Variants in CENPP observed in about 807,000 individuals in gnomAD.
The protein encoded by CENPP is centromere protein P.
CENPP carries 24 observed loss-of-function variants against 35.6 expected under a neutral mutation model. The observed-to-expected ratio is 0.67, with a 90% CI of 0.49 to 0.95. The LOEUF (loss-of-function observed/expected upper bound fraction) is 0.95, where lower values mean the gene tolerates loss of function less well. Ranked by LOEUF, CENPP falls within the 40% of genes least tolerant of loss-of-function variation. The pLI is 0.00. For missense variants in CENPP, 332 were observed against 345.3 expected (o/e 0.96, Z 0.31); for synonymous variants, 120 against 125.5 (o/e 0.96, Z 0.29).
At chr9:92,419,765 T>A (rs1429335101) in intron 5 of CENPP, among the ~76,000 whole-genome samples, 1 of 152,190 alleles carries the variant, frequency 6.6e-6, no homozygotes, top group Admixed American at 6.5e-5. Context: ...CTGAGACCTT[T>A]CTACTTTTCC....
chr9:92,469,529 A>G (rs529178271), intron 5 of CENPP, among the ~76,000 whole-genome samples: 6 of 152,368 alleles, frequency 3.9e-5, no homozygotes, highest in African/African-American at 1.4e-4. Flanking sequence ...ACACAGGAAC[A>G]GGCCAGGCCT....
At chr9:92,549,200 G>A (rs1849534102) in intron 5 of CENPP, among the ~76,000 whole-genome samples, 10 of 152,166 alleles carry the variant, frequency 6.6e-5, no homozygotes, top group Admixed American at 5.2e-4. Flanking sequence ...GTTCTGTTGT[G>A]CTCCAGAGAC....
At chr9:92,370,668 GATGTGCTTTCACC>G (rs1156311433) in intron 4 of CENPP, among the ~76,000 whole-genome samples, 1 of 152,054 alleles carries the variant, frequency 6.6e-6, no homozygotes, top group East Asian at 1.9e-4. Flanking sequence ...TTTTTGTAGA[GATGTGCTTTCACC>G]ATGTTGGCCA....
chr9:92,387,138 C>G (rs956496139), intron 5 of CENPP, among the ~76,000 whole-genome samples: 17 of 150,216 alleles, frequency 1.1e-4, no homozygotes, highest in Non-Finnish European at 2.1e-4. Flanking sequence ...TTTGAGAGGT[C>G]AATGTGGGTG....
intron 4 of CENPP, among the ~76,000 whole-genome samples, chr9:92,372,014 G>A (rs1436491331): frequency 8.5e-6 from 1 of 118,274 alleles, no homozygotes; most frequent in Admixed American, 1.0e-4. Context: ...CTGTACTCCA[G>A]CCTGGGCAAC....
intron 4 of CENPP, among the ~76,000 whole-genome samples, chr9:92,358,850 G>A (rs1841660447): frequency 6.6e-6 from 1 of 150,820 alleles, no homozygotes; most frequent in Non-Finnish European, 1.5e-5. Context: ...AGTCTGTATG[G>A]TAGATCTACC....
intron 5 of CENPP, among the ~76,000 whole-genome samples, chr9:92,430,220 A>G (rs1218001397): frequency 1.3e-5 from 2 of 152,160 alleles, no homozygotes; most frequent in Non-Finnish European, 2.9e-5. Context: ...ACAGCCCTGT[A>G]TGCTGCGTTT....
chr9:92,337,546 A>C lies in CENPP; in HGVS notation c.295A>C (p.Arg99=), dbSNP rs777576305. The stretch of plus-strand genomic sequence containing the variant: ...TTTGTTTTTCTGCTTTACAGGTATT[A>C]GAAAAGTTCTACAGAGACACAGATT... ...TSTEMTEKSI[R]KVLQRHRLSG... The change falls in exon 3 of 8, where the codon AGA becomes CGA. Residue 99 remains arginine (R), a synonymous_variant. Coordinates refer to ENST00000375587, the MANE Select transcript of CENPP (RefSeq NM_001012267.3). 6.3e-7 allele frequency: 1 copy of C among 1,581,160 alleles called. No individual in the cohort carries two copies. Among genetic ancestry groups the C allele is most frequent in the South Asian group, 1.1e-5 (1 of 90,100 alleles).
Position 92,593,571 on chromosome 9 carries a change from T to C in CENPP, c.565-17743T>C, listed in dbSNP as rs1850711238. ...GATGATCTGTACAGAAATGAATAAA[T>C]GAAAGAGTGGTGTTTGCTACTCTTC... On this transcript the variant is annotated intron_variant, in intron 5 of 7. Coordinates refer to ENST00000375587, the MANE Select transcript of CENPP (RefSeq NM_001012267.3). This position sits in a 1 kb window ranked among gnomAD's most constrained non-coding sequence, Gnocchi z 4.1. 6.6e-6 allele frequency among the ~76,000 whole-genome samples: 1 copy of C among 152,204 alleles called. No individual in the cohort carries two copies. The highest frequency in any genetic ancestry group is 2.1e-4 in the South Asian group (1 of 4,830).
intron 5 of CENPP, among the ~76,000 whole-genome samples, chr9:92,380,594 T>G (rs1842220208): frequency 6.6e-6 from 1 of 152,100 alleles, no homozygotes; most frequent in Admixed American, 6.6e-5. Context: ...TTATTCTATT[T>G]GGTTGAGCTA....
intron 5 of CENPP, chr9:92,494,263 T>C (rs746475851): frequency 2.0e-6 from 2 of 988,524 alleles, no homozygotes; most frequent in Non-Finnish European, 2.9e-6. Flanking sequence ...CCCCCTTTAA[T>C]ACTAATTTTG....
intron 5 of CENPP, among the ~76,000 whole-genome samples, chr9:92,551,297 A>G (rs965686427): frequency 2.0e-5 from 3 of 152,082 alleles, no homozygotes; most frequent in African/African-American, 7.2e-5. Flanking sequence ...TTAAGTATAG[A>G]AGTCTTATTG....
intron 2 of CENPP, among the ~76,000 whole-genome samples, chr9:92,334,247 C>A (rs368119332): frequency 2.6e-5 from 4 of 151,680 alleles, no homozygotes; most frequent in African/African-American, 9.7e-5. Flanking sequence ...CAGCCTCCCG[C>A]GTAGCTGGGA....
intron 3 of CENPP, 106 bp from the exon 4 acceptor site, chr9:92,345,593 C>T (rs1841269980): frequency 3.2e-6 from 2 of 624,414 alleles, no homozygotes; most frequent in South Asian, 1.8e-5. Context: ...GTCATGATTA[C>T]TCTTTCCTTT....
rs1846014319 is a variant in CENPP, at chr9:92,484,669, G to A, written c.564+104810G>A. Among the ~76,000 whole-genome samples, 8 of 152,254 alleles carry A rather than the reference G, an allele frequency of 5.3e-5. No individual in the cohort carries two copies. In the South Asian group the frequency reaches 1.5e-3, roughly 28 times the overall value. ...TTCCCAGTCTGTGATTTCTGGTTTT[G>A]CATGGCAACTGTTGTCTCTGGGACT... On this transcript the variant is annotated intron_variant, in intron 5 of 7. Coordinates refer to ENST00000375587, the MANE Select transcript of CENPP (RefSeq NM_001012267.3).
intron 5 of CENPP, among the ~76,000 whole-genome samples, chr9:92,524,722 C>T (rs1474746121): frequency 6.6e-6 from 1 of 152,174 alleles, no homozygotes; most frequent in Non-Finnish European, 1.5e-5. Context: ...CATAAGAACC[C>T]AGATCACAAC....
chr9:92,447,810 T>G (rs766368081), intron 5 of CENPP, among the ~76,000 whole-genome samples: 24 of 152,112 alleles, frequency 1.6e-4, no homozygotes, highest in Non-Finnish European at 3.4e-4. Context: ...TCCTAGAAGT[T>G]TAGAACCTGC....
At chr9:92,450,142 T>C (rs1489128415) in intron 5 of CENPP, among the ~76,000 whole-genome samples, 1 of 151,906 alleles carries the variant, frequency 6.6e-6, no homozygotes, top group Non-Finnish European at 1.5e-5. Context: ...ATGTGCACAA[T>C]GTGCAGGTAA....
At chr9:92,334,254 G>A (rs1840850070) in intron 2 of CENPP, among the ~76,000 whole-genome samples, 1 of 151,734 alleles carries the variant, frequency 6.6e-6, no homozygotes, top group African/African-American at 2.4e-5. Context: ...CCGCGTAGCT[G>A]GGACTACAGG....
Sources: allele counts gnomAD v4.1 joint callset (sites outside exome capture counted in the v4.1 genomes callset), GRCh38; gene constraint gnomAD v4.1.1; non-coding constraint Gnocchi (gnomAD v3.1); transcripts MANE v1.5; gene names NCBI Gene and HGNC (gene_info 2026-07-23, HGNC 2026-07-21).